Variants in UNC5D observed in about 807,000 individuals in gnomAD.
UNC5D encodes netrin receptor UNC5D.
In UNC5D, 39 loss-of-function variants were observed where a neutral mutation model predicts 105.4. The observed-to-expected ratio is 0.37, with a 90% CI of 0.29 to 0.48. The LOEUF (loss-of-function observed/expected upper bound fraction) is 0.48. Among genes scored for constraint, UNC5D ranks in the 20% least tolerant of loss-of-function variants. The pLI is 0.98. For missense variants in UNC5D, 991 were observed against 1,202.4 expected, an observed-to-expected ratio of 0.82 and a Z score of 2.60; for synonymous variants, 452 against 450.4, an observed-to-expected ratio of 1.00 and a Z score of -0.04.
chr8:35,271,925 C>A (rs560476510), intron 1 of UNC5D, among the ~76,000 whole-genome samples: 1 of 151,834 alleles, frequency 6.6e-6, no homozygotes, highest in Admixed American at 6.6e-5. Context: ...TTTTGAGAAG[C>A]CTTCATGTCA....
chr8:35,742,421 T>C (rs1829809688), intron 11 of UNC5D, among the ~76,000 whole-genome samples: 1 of 152,236 alleles, frequency 6.6e-6, no homozygotes, highest in African/African-American at 2.4e-5. Flanking sequence ...AGCTTCCATC[T>C]ATCAGCCTTG....
intron 1 of UNC5D, among the ~76,000 whole-genome samples, chr8:35,283,182 A>C (rs893200097): frequency 6.6e-6 from 1 of 152,212 alleles, no homozygotes; most frequent in Non-Finnish European, 1.5e-5. Context: ...AACAATTTTT[A>C]ATTTGAGAAA....
intron 4 of UNC5D, among the ~76,000 whole-genome samples, chr8:35,681,646 G>C (rs1396726595): frequency 6.6e-6 from 1 of 152,210 alleles, no homozygotes; most frequent in Non-Finnish European, 1.5e-5. Flanking sequence ...GGTGCCATCA[G>C]GAACCCTGGG....
chr8:35,613,140 C>T (rs1236975764), intron 4 of UNC5D, among the ~76,000 whole-genome samples: 1 of 152,170 alleles, frequency 6.6e-6, no homozygotes, highest in African/African-American at 2.4e-5. Context: ...TGCAGTGGCA[C>T]GATCACAGTT....
chr8:35,739,402 G>T (rs1829640394), intron 11 of UNC5D, among the ~76,000 whole-genome samples: 1 of 152,118 alleles, frequency 6.6e-6, no homozygotes, highest in South Asian at 2.1e-4. Flanking sequence ...TTGGAAAGAA[G>T]CATTTCTCCT....
chr8:35,683,816 G>C (rs1370629600), intron 5 of UNC5D, 89 bp downstream of exon 5: 2 of 1,289,972 alleles, frequency 1.6e-6, no homozygotes, highest in Non-Finnish European at 2.0e-6. Flanking sequence ...AATGTCGAGA[G>C]CTGCAAAGAC....
chr8:35,545,499 A>G (rs549188661), intron 1 of UNC5D, among the ~76,000 whole-genome samples: 1 of 152,160 alleles, frequency 6.6e-6, no homozygotes, highest in Admixed American at 6.5e-5. Context: ...TGAGGGGATT[A>G]AGCCCTTTTG....
At chr8:35,510,259 C>T (rs1586011278) in intron 1 of UNC5D, among the ~76,000 whole-genome samples, 1 of 150,028 alleles carries the variant, frequency 6.7e-6, no homozygotes, top group Admixed American at 6.6e-5. Flanking sequence ...GACCAGCCCC[C>T]ACCCTGGAGC....
intron 7 of UNC5D, among the ~76,000 whole-genome samples, chr8:35,693,530 C>G (rs1293783106): frequency 1.3e-5 from 2 of 152,184 alleles, no homozygotes; most frequent in Non-Finnish European, 2.9e-5. Flanking sequence ...TGAAACACTT[C>G]AGATGCCTTT....
At chr8:35,440,070 G>A (rs1323264442) in intron 1 of UNC5D, among the ~76,000 whole-genome samples, 1 of 151,980 alleles carries the variant, frequency 6.6e-6, no homozygotes, top group African/African-American at 2.4e-5. Context: ...TCAATGTTTT[G>A]TTTACCATAC....
chr8:35,383,971 C>CT (rs1380154801), intron 1 of UNC5D, among the ~76,000 whole-genome samples: 1 of 152,030 alleles, frequency 6.6e-6, no homozygotes, highest in Non-Finnish European at 1.5e-5. Context: ...CATCCCAGCA[C>CT]TTTGGGGGCC....
At chr8:35,482,725 A>G (rs1246381028) in intron 1 of UNC5D, among the ~76,000 whole-genome samples, 2 of 152,052 alleles carry the variant, frequency 1.3e-5, no homozygotes, top group Non-Finnish European at 2.9e-5. Flanking sequence ...TCAAATATTA[A>G]GAAATCTAAA....
At chr8:35,680,642 C>T (rs1235881935) in intron 4 of UNC5D, among the ~76,000 whole-genome samples, 1 of 152,138 alleles carries the variant, frequency 6.6e-6, no homozygotes, top group Non-Finnish European at 1.5e-5. Flanking sequence ...CAATTTGAAG[C>T]CAAGTTTCTA....
chr8:35,250,197 A>T (rs2128810990), intron 1 of UNC5D, among the ~76,000 whole-genome samples: 1 of 152,288 alleles, frequency 6.6e-6, no homozygotes, highest in Non-Finnish European at 1.5e-5. Context: ...CAGTCAGCTG[A>T]TGCCAAGGCA....
intron 4 of UNC5D, among the ~76,000 whole-genome samples, chr8:35,656,045 C>A (rs1270288449): frequency 1.3e-5 from 2 of 152,164 alleles, no homozygotes; most frequent in East Asian, 3.8e-4. Context: ...CTTATGTAAT[C>A]TGAGCTTTAG....
At chr8:35,525,084 A>G in intron 1 of UNC5D, 1 of 1,278,362 alleles carries the variant, frequency 7.8e-7, no homozygotes, top group Non-Finnish European at 1.1e-6. Context: ...CAGGACATAT[A>G]GGATCCCTTC....
At chr8:35,303,507 A>G (rs1455903168) in intron 1 of UNC5D, among the ~76,000 whole-genome samples, 1 of 152,190 alleles carries the variant, frequency 6.6e-6, no homozygotes, top group Non-Finnish European at 1.5e-5. Context: ...CTTAGAGCTC[A>G]TAAGTGCTGG....
rs184048363 is a variant in UNC5D, at chr8:35,602,467, C to T, written c.570+6810C>T. ...GTTGGTAAGCTATTAATTATTGCCTCAATTTCAGAGCCTGTTATTGGTCTA... is the reference window on the plus strand; with the variant it reads ...GTTGGTAAGCTATTAATTATTGCCTTAATTTCAGAGCCTGTTATTGGTCTA... On this transcript the variant is annotated intron_variant, in intron 4 of 16. Coordinates refer to ENST00000404895, the MANE Select transcript of UNC5D (RefSeq NM_080872.4). 6.2e-3 allele frequency among the ~76,000 whole-genome samples: 941 copies of T among 152,314 alleles called. 4 individuals are homozygous for T. Among genetic ancestry groups the T allele is most frequent in the African/African-American group, 0.022 (908 of 41,556 alleles).
At chr8:35,777,362 T>C (rs1802297049) in intron 16 of UNC5D, among the ~76,000 whole-genome samples, 1 of 152,192 alleles carries the variant, frequency 6.6e-6, no homozygotes, top group Admixed American at 6.5e-5. Flanking sequence ...TGAGCTATGA[T>C]TGTGCCACTG....
Sources: gnomAD v4.1 joint callset for allele counts (sites outside exome capture counted in the v4.1 genomes callset) on GRCh38, gnomAD v4.1.1 for gene constraint, MANE v1.5 for transcripts, NCBI Gene and HGNC (gene_info 2026-07-23, HGNC 2026-07-21) for gene names.